SGCD: variants seen among roughly 807,000 people sequenced by gnomAD.
SGCD encodes the protein sarcoglycan delta, also known as delta-sarcoglycan.
A neutral mutation model predicts 36.6 loss-of-function variants in SGCD; 18 were observed. The observed-to-expected ratio is 0.49, with a 90% CI of 0.34 to 0.73. The LOEUF is 0.73. Ranked by LOEUF, SGCD falls within the 30% of genes least tolerant of loss-of-function variation. SGCD has a pLI of 0.01. For synonymous variants in SGCD, 133 were observed against 130.6 expected (o/e 1.02, Z -0.12); for missense variants, 387 against 346.7 (o/e 1.12, Z -0.92).
At chr5:155,912,762 T>TC (rs2113359948) in intron 1 of SGCD, among the ~76,000 whole-genome samples, 1 of 152,216 alleles carries the variant, frequency 6.6e-6, no homozygotes, top group African/African-American at 2.4e-5. Flanking sequence ...TCTCTTCTCT[T>TC]TCTTTCTTTC....
chr5:156,235,427 C>T (rs1211822445), intron 3 of SGCD, among the ~76,000 whole-genome samples: 2 of 152,188 alleles, frequency 1.3e-5, no homozygotes, highest in East Asian at 1.9e-4. Flanking sequence ...CGTGTCACCT[C>T]AGCAAGCTAC....
chr5:156,748,683 C>T (rs1757034895), intron 7 of SGCD, among the ~76,000 whole-genome samples: 1 of 152,056 alleles, frequency 6.6e-6, no homozygotes, highest in Admixed American at 6.5e-5. Flanking sequence ...AGTGGAACAA[C>T]TAAATAACTT....
intron 3 of SGCD, among the ~76,000 whole-genome samples, chr5:156,289,090 T>A (rs1294056409): frequency 6.6e-6 from 1 of 152,054 alleles, no homozygotes. Context: ...CTACAGAAGA[T>A]TAGTCCTATA....
At chr5:156,487,633 C>A (rs1290078430) in intron 3 of SGCD, among the ~76,000 whole-genome samples, 1 of 151,114 alleles carries the variant, frequency 6.6e-6, no homozygotes, top group Non-Finnish European at 1.5e-5. Flanking sequence ...ACTAAAAATA[C>A]AAAAATTAGC....
In SGCD at chr5:156,301,212, C is replaced by T. The variant is rs557799231; in HGVS notation, c.-43-28322C>T. On this transcript the variant is annotated intron_variant, in intron 3 of 9. Coordinates refer to the SGCD transcript ENST00000517913. ...TTCCTTTTAGTGAAGAAGATTTTCT[C>T]TGGTGATATTTTTAAATGTTTTACT... Among the ~76,000 whole-genome samples, 3 of 151,948 alleles carry T rather than the reference C, an allele frequency of 2.0e-5. No homozygotes were observed. The East Asian group carries it at 5.8e-4, about 29-fold the overall frequency.
chr5:156,145,100 G>T (rs1304681595), intron 3 of SGCD, among the ~76,000 whole-genome samples: 1 of 152,176 alleles, frequency 6.6e-6, no homozygotes, highest in Non-Finnish European at 1.5e-5. Context: ...TGTTGGAGGT[G>T]GGGCCTGATG....
At chr5:156,400,664 AAAGCAATTCTT>A (rs1772099624) in intron 3 of SGCD, among the ~76,000 whole-genome samples, 1 of 152,232 alleles carries the variant, frequency 6.6e-6, no homozygotes, top group African/African-American at 2.4e-5. Context: ...ACTATTGTTT[AAAGCAATTCTT>A]ATGCTTTGTA....
At chr5:156,487,961 TA>T (rs200316717) in intron 3 of SGCD, among the ~76,000 whole-genome samples, 2,765 of 12,414 alleles carry the variant, frequency 0.22, 31 homozygotes, top group Non-Finnish European at 0.28. Context: ...TAACATATAT[TA>T]TATATATATA....
intron 3 of SGCD, among the ~76,000 whole-genome samples, chr5:156,295,654 T>C (rs770592344): frequency 2.0e-5 from 3 of 152,224 alleles, no homozygotes; most frequent in Non-Finnish European, 4.4e-5. Flanking sequence ...GATTACAATG[T>C]GCTTTTCATG....
chr5:156,163,431 C>T (rs1350635613), intron 3 of SGCD, among the ~76,000 whole-genome samples: 4 of 151,552 alleles, frequency 2.6e-5, no homozygotes, highest in Non-Finnish European at 5.9e-5. Flanking sequence ...CGTTAACAGA[C>T]ACCACCATTA....
chr5:156,272,124 G>A (rs1333080508), intron 3 of SGCD, among the ~76,000 whole-genome samples: 2 of 152,066 alleles, frequency 1.3e-5, no homozygotes, highest in Non-Finnish European at 2.9e-5. Flanking sequence ...CTCAAGCAGT[G>A]TACACTGTAC....
chr5:156,254,540 T>C (rs1277062256), intron 3 of SGCD, among the ~76,000 whole-genome samples: 2 of 152,148 alleles, frequency 1.3e-5, no homozygotes, highest in African/African-American at 2.4e-5. Context: ...TTATATGATA[T>C]TTTTTCTCTT....
At chr5:155,829,453 C>T in the SGCD span, among the ~76,000 whole-genome samples, 151 of 152,326 alleles carry the variant, frequency 9.9e-4, no homozygotes, top group South Asian at 2.3e-3. Context: ...GCTCTTCTCT[C>T]ATCTCAAAGC....
chr5:156,518,628 T>C (rs982004639), intron 4 of SGCD, among the ~76,000 whole-genome samples: 3 of 152,038 alleles, frequency 2.0e-5, no homozygotes, highest in Non-Finnish European at 2.9e-5. Context: ...CCTCAGCAAA[T>C]GCAAAATAAC....
chr5:156,462,613 G>A (rs932893852), intron 3 of SGCD, among the ~76,000 whole-genome samples: 1 of 152,090 alleles, frequency 6.6e-6, no homozygotes, highest in Non-Finnish European at 1.5e-5. Context: ...AGGATTAAGT[G>A]GATTTTGACT....
intron 1 of SGCD, among the ~76,000 whole-genome samples, chr5:155,894,393 A>G (rs927529102): frequency 6.6e-6 from 1 of 152,074 alleles, no homozygotes; most frequent in African/African-American, 2.4e-5. Flanking sequence ...GCGTGACTTT[A>G]TATGTGGAAT....
intron 3 of SGCD, among the ~76,000 whole-genome samples, chr5:156,500,029 C>A (rs1756377494): frequency 6.6e-6 from 1 of 152,106 alleles, no homozygotes; most frequent in Non-Finnish European, 1.5e-5. Context: ...AGATATGCTG[C>A]ATATGTACTT....
At chr5:156,425,768 T>G (rs1158266862) in intron 3 of SGCD, among the ~76,000 whole-genome samples, 1 of 152,038 alleles carries the variant, frequency 6.6e-6, no homozygotes, top group Admixed American at 6.6e-5. Flanking sequence ...AGCCTTCGTA[T>G]TCTCATAGCT....
intron 6 of SGCD, 30 bp from the exon 7 acceptor site, chr5:156,647,434 T>G: frequency 6.6e-7 from 1 of 1,520,414 alleles, no homozygotes; most frequent in South Asian, 1.2e-5. Flanking sequence ...GTATCTCCAA[T>G]CTCTGTTTGC....
Sources: allele counts gnomAD v4.1 joint callset (sites outside exome capture counted in the v4.1 genomes callset), GRCh38; gene constraint gnomAD v4.1.1; transcripts MANE v1.5; gene names NCBI Gene and HGNC (gene_info 2026-07-23, HGNC 2026-07-21).